The following SCN1A variants were observed in gnomAD, a reference collection of about 807,000 sequenced individuals.
The protein encoded by SCN1A is sodium voltage-gated channel alpha subunit 1.
SCN1A carries 13 observed loss-of-function variants against 193.7 expected under a neutral mutation model. That is an observed-to-expected ratio of 0.07 (90% CI 0.04 to 0.11). The LOEUF (loss-of-function observed/expected upper bound fraction) is 0.11, where lower values mean the gene tolerates loss of function less well. SCN1A is among the 10% of genes least tolerant of loss of function. The pLI, the probability that SCN1A is intolerant of heterozygous loss-of-function variation, is 1.00. For synonymous variants in SCN1A, 781 were observed against 843.6 expected (o/e 0.93, Z 1.29); for missense variants, 1,432 against 2,451.1 (o/e 0.58, Z 8.78).
intron 19 of SCN1A, chr2:166,016,087 CCTTAGAAGAA>C (rs1357714710): frequency 1.9e-5 from 5 of 268,136 alleles, no homozygotes; most frequent in Non-Finnish European, 3.6e-5. Context: ...AGAAAGCTTA[CCTTAGAAGAA>C]AATAATGTCG....
At chr2:166,027,111 T>C (rs1426004492) in intron 19 of SCN1A, 1 of 152,184 alleles carries the variant, frequency 6.6e-6, no homozygotes, top group Non-Finnish European at 1.5e-5. Flanking sequence ...CATGTATTTT[T>C]GGCAGGCTGA....
At chr2:166,023,545 A>T (rs181272309) in intron 19 of SCN1A, among the ~76,000 whole-genome samples, 2 of 152,176 alleles carry the variant, frequency 1.3e-5, no homozygotes, top group Admixed American at 6.5e-5. Flanking sequence ...GAAATGATAC[A>T]TTTGGACAGT....
At chr2:166,103,501 G>A (rs1201584470) in intron 2 of SCN1A, among the ~76,000 whole-genome samples, 1 of 150,366 alleles carries the variant, frequency 6.7e-6, no homozygotes, top group African/African-American at 2.5e-5. Context: ...AAATACTGAG[G>A]AAGTATAACA....
At chr2:166,046,291 T>C (rs1400573491) in intron 12 of SCN1A, among the ~76,000 whole-genome samples, 1 of 152,182 alleles carries the variant, frequency 6.6e-6, no homozygotes, top group Non-Finnish European at 1.5e-5. Flanking sequence ...TGGATGCTGC[T>C]GTATCAGAGA....
chr2:166,015,478 A>G (rs1574068333), intron 20 of SCN1A, 129 bp downstream of exon 20: 5 of 1,113,072 alleles, frequency 4.5e-6, no homozygotes, highest in Non-Finnish European at 6.7e-6. Flanking sequence ...GTCTGTCAAC[A>G]TATTAGAGGT....
At chr2:166,144,853 G>GT (rs76856475) in intron 1 of SCN1A, among the ~76,000 whole-genome samples, 304 of 138,582 alleles carry the variant, frequency 2.2e-3, no homozygotes, top group African/African-American at 5.1e-3. Context: ...AAGGATCATG[G>GT]TTTTTTTTTT....
chr2:166,141,088 C>A (rs1692062136), intron 1 of SCN1A, among the ~76,000 whole-genome samples: 1 of 152,134 alleles, frequency 6.6e-6, no homozygotes, highest in Non-Finnish European at 1.5e-5. Context: ...GCACCTTGAA[C>A]ATGTAAATCA....
chr2:166,043,399 G>T (rs943925668), intron 14 of SCN1A, among the ~76,000 whole-genome samples: 1 of 152,072 alleles, frequency 6.6e-6, no homozygotes, highest in Non-Finnish European at 1.5e-5. Flanking sequence ...ATTCAGTGTG[G>T]GTATATAGCA....
intron 15 of SCN1A, 143 bp from the exon 16 acceptor site, chr2:166,041,612 TAC>T (rs974252146): frequency 3.0e-6 from 2 of 658,278 alleles, no homozygotes; most frequent in African/African-American, 1.8e-5. Flanking sequence ...TTAAAAAAAT[TAC>T]AGTTTACTCT....
rs1178220788 is a variant in SCN1A at position 165,986,541 on chromosome 2, A to G, written c.*4704T>C. On this transcript the variant is annotated 3_prime_UTR_variant, in exon 29 of 29. Transcript: ENST00000674923. Reference sequence around the variant, plus strand: ...ATTTCTGTGACTTTTCAGGAAGATTACTGCTAGGAAATGAGAATAGTAGTT... The same window carrying G: ...ATTTCTGTGACTTTTCAGGAAGATTGCTGCTAGGAAATGAGAATAGTAGTT... 6.6e-6 allele frequency: 1 copy of G among 152,142 alleles called. No homozygotes were observed. The highest frequency in any genetic ancestry group is 2.4e-5 in the African/African-American group (1 of 41,452). 9.4% of individuals were successfully genotyped at this position (152,142 alleles called of 1,614,324 possible). A position where few individuals can be genotyped will look rare whatever the true frequency, so the allele number is the denominator to read the frequency against.
At position 166,071,811 on chromosome 2, in the gene SCN1A, A is replaced by AC. The variant is rs1256084078; in HGVS notation, c.264+1546dup. ...AGACTGAGGCAGGAGAATGGCGTGA[A>AC]CCCGAGAGGTGGGGCTTGCAGTGAG... On this transcript the variant is annotated intron_variant, in intron 4 of 28. Transcript: ENST00000674923. 6 of 152,030 alleles carry AC rather than the reference A, an allele frequency of 3.9e-5. No individual in the cohort carries two copies. In the South Asian group the frequency reaches 8.3e-4, roughly 21 times the overall value. 9.4% of individuals were successfully genotyped at this position (152,030 alleles called of 1,614,324 possible).
At chr2:166,017,955 C>G (rs1693525676) in intron 19 of SCN1A, among the ~76,000 whole-genome samples, 1 of 151,886 alleles carries the variant, frequency 6.6e-6, no homozygotes, top group Admixed American at 6.6e-5. Flanking sequence ...CAGTAATAAG[C>G]AGAACAAAAA....
At chr2:166,096,957 A>T (rs1687449755) in intron 2 of SCN1A, among the ~76,000 whole-genome samples, 1 of 152,190 alleles carries the variant, frequency 6.6e-6, no homozygotes, top group Non-Finnish European at 1.5e-5. Context: ...CTAAGTGTTC[A>T]CCATTAGTGA....
At chr2:166,079,544 A>G (rs1685284733) in intron 2 of SCN1A, among the ~76,000 whole-genome samples, 1 of 150,418 alleles carries the variant, frequency 6.6e-6, no homozygotes, top group South Asian at 2.1e-4. Flanking sequence ...ATATTTTAAC[A>G]TATGTGATCA....
chr2:166,069,334 GC>G (rs72041459), intron 4 of SCN1A, among the ~76,000 whole-genome samples: 11,398 of 152,156 alleles, frequency 0.075, 1,135 homozygotes, highest in African/African-American at 0.23. Context: ...TGTTCATGAT[GC>G]ATAGATGCTA....
At chr2:166,090,122 C>T (rs1008394516) in intron 2 of SCN1A, among the ~76,000 whole-genome samples, 3 of 144,670 alleles carry the variant, frequency 2.1e-5, no homozygotes, top group Non-Finnish European at 4.5e-5. Context: ...TCACTGTAGC[C>T]TCAAACTTCT....
At chr2:166,146,585 G>C (rs1692331253) in intron 1 of SCN1A, among the ~76,000 whole-genome samples, 1 of 152,158 alleles carries the variant, frequency 6.6e-6, no homozygotes. Flanking sequence ...ATTCCACAAT[G>C]TCTGGGACAG....
Position 165,991,513 on chromosome 2 carries a change from A to G in SCN1A, c.5762T>C (p.Ile1921Thr). The change falls in exon 29 of 29, where the codon ATT becomes ACT. Residue 1921 changes from isoleucine to threonine, a missense_variant. Ile to Thr is a moderately conservative substitution (Grantham distance 89). Coordinates refer to ENST00000674923, the MANE Select transcript of SCN1A (RefSeq NM_001165963.4). ...GTGGCGTCTGTAAGCACGCTGAATAATGACAGCAGATACTTCCTCTTGTTT... is the reference window on the plus strand; with the variant it reads ...GTGGCGTCTGTAAGCACGCTGAATAGTGACAGCAGATACTTCCTCTTGTTT... ...KRKQEEVSAV[I>T]IQRAYRRHLL... 6.2e-7 allele frequency: 1 copy of G among 1,613,972 alleles called. No homozygotes were observed. The highest frequency in any genetic ancestry group is 8.5e-7 in the Non-Finnish European group (1 of 1,179,916).
intron 19 of SCN1A, among the ~76,000 whole-genome samples, chr2:166,022,778 A>T (rs1694235870): frequency 6.6e-6 from 1 of 152,164 alleles, no homozygotes; most frequent in African/African-American, 2.4e-5. Context: ...AGTAGTTCTG[A>T]CTTTTTAATG....
Sources: gnomAD v4.1 joint callset for allele counts (sites outside exome capture counted in the v4.1 genomes callset) on GRCh38, gnomAD v4.1.1 for gene constraint, MANE v1.5 for transcripts, NCBI Gene and HGNC (gene_info 2026-07-23, HGNC 2026-07-21) for gene names.